The following SGCZ variants were observed in gnomAD, a reference collection of about 807,000 sequenced individuals.
SGCZ encodes the protein sarcoglycan zeta, also known as zeta-sarcoglycan.
Under a neutral mutation model 41.3 loss-of-function variants are expected in SGCZ, and 40 were observed. The ratio of observed to expected loss-of-function variants is 0.97; its 90% CI spans 0.75 to 1.26. The LOEUF (loss-of-function observed/expected upper bound fraction) is 1.26. SGCZ is among the 50% of genes most tolerant of loss of function. The pLI is 0.00. For synonymous variants in SGCZ, 206 were observed against 137.5 expected (o/e 1.50, Z -3.49); for missense variants, 552 against 369.8 (o/e 1.49, Z -4.04).
chr8:14,598,755 T>A (rs1805494904), intron 1 of SGCZ, among the ~76,000 whole-genome samples: 1 of 152,074 alleles, frequency 6.6e-6, no homozygotes. Flanking sequence ...ATCTCAAATT[T>A]CTGGGCTTAA....
At chr8:14,830,688 G>T (rs1226456218) in intron 1 of SGCZ, among the ~76,000 whole-genome samples, 1 of 152,050 alleles carries the variant, frequency 6.6e-6, no homozygotes, top group Admixed American at 6.6e-5. Context: ...GTTTGCAAAG[G>T]AATGCTGCTG....
chr8:14,515,334 T>G (rs1802589485), intron 2 of SGCZ, among the ~76,000 whole-genome samples: 1 of 152,108 alleles, frequency 6.6e-6, no homozygotes, highest in Admixed American at 6.6e-5. Context: ...GTCACAACAT[T>G]TATAGAAAAG....
chr8:14,551,498 T>TA (rs1563404310), intron 2 of SGCZ, among the ~76,000 whole-genome samples: 2 of 10,004 alleles, frequency 2.0e-4, no homozygotes, highest in South Asian at 3.0e-3. Flanking sequence ...ATTATATATA[T>TA]TATATATATT....
rs545415886 is a variant in SGCZ at position 14,429,388 on chromosome 8, A to G, written c.235-105184T>C. The stretch of plus-strand genomic sequence containing the variant: ...GAATGTTCCAGGCAATAGCTAGGGC[A>G]AAGTCACAAACGTCAACACTTACAA... On this transcript the variant is annotated intron_variant, in intron 2 of 7. Transcript: ENST00000382080. 7.2e-5 allele frequency among the ~76,000 whole-genome samples: 11 copies of G among 152,290 alleles called. No individual in the cohort carries two copies. The South Asian group carries it at 8.3e-4, about 11-fold the overall frequency.
At chr8:14,693,121 A>T (rs1808850353) in intron 1 of SGCZ, among the ~76,000 whole-genome samples, 1 of 152,310 alleles carries the variant, frequency 6.6e-6, no homozygotes, top group East Asian at 1.9e-4. Context: ...TGATTAAGTA[A>T]GATTAAGTAA....
At chr8:14,324,010 C>T (rs1403222777) in intron 3 of SGCZ, 93 bp downstream of exon 3, 2 of 754,608 alleles carry the variant, frequency 2.7e-6, no homozygotes, top group Non-Finnish European at 4.4e-6. Context: ...TAAACACATG[C>T]TGAAGAGATA....
chr8:15,029,476 T>C (rs1294196606), intron 1 of SGCZ, among the ~76,000 whole-genome samples: 1 of 152,088 alleles, frequency 6.6e-6, no homozygotes, highest in African/African-American at 2.4e-5. Context: ...GCCCTTAAAA[T>C]CAGATCAAAG....
chr8:15,156,093 G>C (rs1334288517), intron 1 of SGCZ, among the ~76,000 whole-genome samples: 1 of 149,818 alleles, frequency 6.7e-6, no homozygotes, highest in Non-Finnish European at 1.5e-5. Context: ...GTGAAGTGAA[G>C]GTCAATGCTG....
At chr8:14,646,420 T>C (rs1327429989) in intron 1 of SGCZ, among the ~76,000 whole-genome samples, 2 of 151,150 alleles carry the variant, frequency 1.3e-5, no homozygotes, top group Non-Finnish European at 3.0e-5. Context: ...CCATGGTGTA[T>C]ATGTACTACA....
At chr8:14,288,386 C>A (rs888466148) in intron 3 of SGCZ, among the ~76,000 whole-genome samples, 1 of 152,102 alleles carries the variant, frequency 6.6e-6, no homozygotes, top group Non-Finnish European at 1.5e-5. Flanking sequence ...TCCGGAAATT[C>A]TTCAGCATTC....
chr8:14,732,615 A>T (rs941401614), intron 1 of SGCZ, among the ~76,000 whole-genome samples: 1 of 152,174 alleles, frequency 6.6e-6, no homozygotes, highest in African/African-American at 2.4e-5. Flanking sequence ...ATATGATGAG[A>T]ATTAGAAGAC....
At chr8:14,560,841 TAAAAG>T (rs1472815113) in intron 1 of SGCZ, among the ~76,000 whole-genome samples, 1 of 151,324 alleles carries the variant, frequency 6.6e-6, no homozygotes, top group Non-Finnish European at 1.5e-5. Flanking sequence ...AACAAGAGGC[TAAAAG>T]AAAAGTTGTG....
At chr8:14,153,205 AC>A in intron 5 of SGCZ, among the ~76,000 whole-genome samples, 1 of 152,322 alleles carries the variant, frequency 6.6e-6, no homozygotes, top group Middle Eastern at 3.4e-3. Context: ...ATTATTTGTT[AC>A]AACTGTATGT....
At chr8:15,228,358 C>G (rs1801841087) in intron 1 of SGCZ, among the ~76,000 whole-genome samples, 1 of 152,110 alleles carries the variant, frequency 6.6e-6, no homozygotes, top group Admixed American at 6.5e-5. Flanking sequence ...GGAGCTTTAT[C>G]ATTAAGACAC....
intron 2 of SGCZ, among the ~76,000 whole-genome samples, chr8:14,552,554 C>T (rs1249968715): frequency 6.6e-6 from 1 of 152,080 alleles, no homozygotes; most frequent in Non-Finnish European, 1.5e-5. Context: ...AATACCAACA[C>T]TCCTATGGAA....
intron 3 of SGCZ, among the ~76,000 whole-genome samples, chr8:14,256,752 A>C (rs1799480064): frequency 1.3e-5 from 2 of 152,170 alleles, no homozygotes; most frequent in Admixed American, 1.3e-4. Flanking sequence ...TCTCAATTAC[A>C]TGAATCTATC....
chr8:14,508,085 C>G (rs1431070965), intron 2 of SGCZ, among the ~76,000 whole-genome samples: 1 of 149,932 alleles, frequency 6.7e-6, no homozygotes, highest in African/African-American at 2.5e-5. Context: ...TTACTTTCTT[C>G]GTGAGATCTA....
chr8:14,436,374 T>C (rs532474019), intron 2 of SGCZ, among the ~76,000 whole-genome samples: 84 of 152,348 alleles, frequency 5.5e-4, no homozygotes, highest in Middle Eastern at 3.4e-3. Context: ...GCATGAACTT[T>C]ATTTTTTTCT....
chr8:14,524,431 G>C (rs1279955388), intron 2 of SGCZ, among the ~76,000 whole-genome samples: 1 of 152,006 alleles, frequency 6.6e-6, no homozygotes, highest in Non-Finnish European at 1.5e-5. Flanking sequence ...GTTCTTGGCT[G>C]CTGCTCTTTA....
Sources: gnomAD v4.1 joint callset for allele counts (sites outside exome capture counted in the v4.1 genomes callset) on GRCh38, gnomAD v4.1.1 for gene constraint, MANE v1.5 for transcripts, NCBI Gene and HGNC (gene_info 2026-07-23, HGNC 2026-07-21) for gene names.